The following ARMH4 variants were observed in gnomAD, a reference collection of about 807,000 sequenced individuals.
ARMH4 encodes armadillo like helical domain containing 4.
ARMH4 carries 49 observed loss-of-function variants against 61.9 expected under a neutral mutation model. The ratio of observed to expected loss-of-function variants is 0.79; its 90% CI spans 0.63 to 1.00. The LOEUF is 1.00. Ranked by LOEUF, ARMH4 falls within the 50% of genes least tolerant of loss-of-function variation. The pLI is 0.00. For missense variants in ARMH4, 934 were observed against 930.0 expected, an observed-to-expected ratio of 1.00 and a Z score of -0.06; for synonymous variants, 368 against 341.5, an observed-to-expected ratio of 1.08 and a Z score of -0.85.
intron 5 of ARMH4, among the ~76,000 whole-genome samples, chr14:58,041,573 G>A (rs866043193): frequency 3.3e-5 from 5 of 152,054 alleles, no homozygotes; most frequent in Non-Finnish European, 7.4e-5. Flanking sequence ...CATAATGACA[G>A]GATCAAATTC....
chr14:58,030,776 A>T (rs765953853), intron 5 of ARMH4, among the ~76,000 whole-genome samples: 1 of 152,188 alleles, frequency 6.6e-6, no homozygotes, highest in Non-Finnish European at 1.5e-5. Flanking sequence ...CATCCCTGTC[A>T]TATTTCAGAA....
intron 1 of ARMH4, among the ~76,000 whole-genome samples, chr14:58,147,106 C>T (rs548114118): frequency 6.6e-6 from 1 of 152,294 alleles, no homozygotes; most frequent in South Asian, 2.1e-4. Context: ...ACACTTCAAA[C>T]ACAACCATCT....
intron 6 of ARMH4, among the ~76,000 whole-genome samples, chr14:58,007,549 T>C (rs1566536772): frequency 1.3e-5 from 2 of 152,196 alleles, no homozygotes; most frequent in South Asian, 4.1e-4. Flanking sequence ...GCTTTGAAAT[T>C]ACAAGTAAAT....
chr14:58,009,509 TAAAAAC>T (rs2141129646), intron 6 of ARMH4, among the ~76,000 whole-genome samples: 1 of 151,938 alleles, frequency 6.6e-6, no homozygotes, highest in South Asian at 2.1e-4. Context: ...TCTCCAGACT[TAAAAAC>T]AAGAGACAAT....
At chr14:58,060,516 A>G (rs1376491835) in intron 5 of ARMH4, among the ~76,000 whole-genome samples, 1 of 152,232 alleles carries the variant, frequency 6.6e-6, no homozygotes, top group Non-Finnish European at 1.5e-5. Flanking sequence ...CTGTGGTTTG[A>G]TCACTAAACA....
At chr14:58,097,211 T>C (rs1198328556) in intron 4 of ARMH4, among the ~76,000 whole-genome samples, 2 of 152,238 alleles carry the variant, frequency 1.3e-5, no homozygotes, top group East Asian at 1.9e-4. Context: ...TCAGGTATTA[T>C]GTTTACTGGG....
intron 4 of ARMH4, among the ~76,000 whole-genome samples, chr14:58,107,217 C>G (rs1177400585): frequency 6.6e-6 from 1 of 152,152 alleles, no homozygotes; most frequent in African/African-American, 2.4e-5. Context: ...ATAGAAAAAA[C>G]CTTGGTTGAG....
chr14:58,055,171 T>G (rs1417427395), intron 5 of ARMH4, among the ~76,000 whole-genome samples: 2 of 152,224 alleles, frequency 1.3e-5, no homozygotes, highest in Non-Finnish European at 2.9e-5. Flanking sequence ...GTCAATAGTC[T>G]CTATTATAGA....
intron 5 of ARMH4, among the ~76,000 whole-genome samples, chr14:58,045,629 C>T (rs1367869204): frequency 6.7e-6 from 1 of 149,294 alleles, no homozygotes; most frequent in Non-Finnish European, 1.5e-5. Flanking sequence ...AAAAAAGAAA[C>T]ACGGTCTTGT....
At chr14:58,014,530 G>A (rs1882530778) in intron 5 of ARMH4, among the ~76,000 whole-genome samples, 1 of 152,142 alleles carries the variant, frequency 6.6e-6, no homozygotes, top group Non-Finnish European at 1.5e-5. Flanking sequence ...AAAGTGTTTA[G>A]TACAGAAATC....
chr14:58,122,745 GAC>G (rs1886769394), intron 4 of ARMH4, among the ~76,000 whole-genome samples: 1 of 152,164 alleles, frequency 6.6e-6, no homozygotes, highest in Non-Finnish European at 1.5e-5. Context: ...GGTCTACCAG[GAC>G]ACTTTAAAAA....
At chr14:58,055,125 C>A (rs1884296378) in intron 5 of ARMH4, among the ~76,000 whole-genome samples, 1 of 152,094 alleles carries the variant, frequency 6.6e-6, no homozygotes, top group Non-Finnish European at 1.5e-5. Context: ...CTGCCCCAAG[C>A]CCTGAGGACT....
intron 5 of ARMH4, among the ~76,000 whole-genome samples, chr14:58,049,634 A>T (rs985101467): frequency 1.3e-5 from 2 of 152,196 alleles, no homozygotes; most frequent in African/African-American, 4.8e-5. Flanking sequence ...AAAGTCCAAC[A>T]GGGAAGCCCT....
Position 58,131,531 on chromosome 14 carries a change from C to T in ARMH4, c.1812G>A (p.Leu604=), listed in dbSNP as rs369498926. 1.9e-5 allele frequency: 30 copies of T among 1,613,920 alleles called. No homozygotes were observed. The highest frequency in any genetic ancestry group is 2.7e-5 in the African/African-American group (2 of 74,924). The change falls in exon 4 of 8, where the codon CTG becomes CTA. Residue 604 remains leucine, a synonymous_variant. Coordinates refer to ENST00000267485, the MANE Select transcript of ARMH4 (RefSeq NM_001001872.4). ...TRVNTAASYG[L]DQLESEEGQE... ...GAATACCTTCAGATTCAAGTTGGTCCAGGCCATATGAGGCAGCTGTATTAA... is the reference window on the plus strand; with the variant it reads ...GAATACCTTCAGATTCAAGTTGGTCTAGGCCATATGAGGCAGCTGTATTAA...
chr14:58,149,872 C>T (rs1372163999), intron 1 of ARMH4, among the ~76,000 whole-genome samples: 3 of 152,332 alleles, frequency 2.0e-5, no homozygotes, highest in Admixed American at 6.5e-5. Flanking sequence ...GACATACTAG[C>T]ATGCTACTGA....
chr14:58,138,845 T>C lies in ARMH4; in HGVS notation c.514A>G (p.Ile172Val), dbSNP rs1364441802. The change falls in exon 2 of 8, where the codon ATT becomes GTT. Residue 172 changes from isoleucine to valine, a missense_variant. Physicochemically the swap from Ile to Val is conservative, Grantham distance 29. Coordinates refer to ENST00000267485, the MANE Select transcript of ARMH4 (RefSeq NM_001001872.4). The part of the protein sequence containing the change: ...ELLTSTNFQP[I>V]VEEITETTKG... ...GTGGTTTCTGTGATCTCTTCTACAA[T>C]GGGCTGAAAGTTAGTGCTTGTAAGG... 10 of 1,614,118 alleles carry C rather than the reference T, an allele frequency of 6.2e-6. No homozygotes were observed. Among genetic ancestry groups the C allele is most frequent in the African/African-American group, 1.3e-5 (1 of 74,948 alleles).
At chr14:58,021,797 C>T (rs572655239) in intron 5 of ARMH4, among the ~76,000 whole-genome samples, 1 of 152,102 alleles carries the variant, frequency 6.6e-6, no homozygotes, top group Non-Finnish European at 1.5e-5. Context: ...CAGAAGAGCT[C>T]GTTCCAAGCA....
At chr14:58,054,883 A>ATAATAAT (rs1555338496) in intron 5 of ARMH4, among the ~76,000 whole-genome samples, 1 of 138,444 alleles carries the variant, frequency 7.2e-6, no homozygotes, top group Non-Finnish European at 1.5e-5. Context: ...AAAAAAAAAA[A>ATAATAAT]AATAATAATA....
At chr14:58,023,316 A>C (rs1882909687) in intron 5 of ARMH4, among the ~76,000 whole-genome samples, 1 of 152,130 alleles carries the variant, frequency 6.6e-6, no homozygotes, top group Admixed American at 6.6e-5. Context: ...GTAATATTCT[A>C]AGTCCTTTGT....
Sources: gnomAD v4.1 joint callset for allele counts (sites outside exome capture counted in the v4.1 genomes callset) on GRCh38, gnomAD v4.1.1 for gene constraint, MANE v1.5 for transcripts, NCBI Gene and HGNC (gene_info 2026-07-23, HGNC 2026-07-21) for gene names.